The following RCC1L variants were observed in gnomAD, a reference collection of about 807,000 sequenced individuals.
RCC1L encodes RCC1-like G exchanging factor-like protein.
Under a neutral mutation model 58.6 loss-of-function variants are expected in RCC1L, and 46 were observed. That is an observed-to-expected ratio of 0.79 (90% CI 0.62 to 1.00). RCC1L has a LOEUF of 1.00. RCC1L is among the 50% of genes least tolerant of loss of function. The pLI, the probability that RCC1L is intolerant of heterozygous loss-of-function variation, is 0.00. For missense variants in RCC1L, 636 were observed against 623.6 expected (o/e 1.02, Z -0.21); for synonymous variants, 281 against 262.9 (o/e 1.07, Z -0.67).
Position 75,042,729 on chromosome 7 carries a change from G to A in RCC1L, c.*303C>T, listed in dbSNP as rs1584488516. ...CTTTCCTAAGACGGGCTTCTCAGGC[G>A]AGACGTGACACCAGACACCGTCGCA... is the stretch of plus-strand genomic sequence containing the variant. On this transcript the variant is annotated 3_prime_UTR_variant, in exon 11 of 11. Coordinates refer to ENST00000610322, the MANE Select transcript of RCC1L (RefSeq NM_030798.5). The A allele has an allele frequency of 8.3e-6, 11 of 1,317,890 alleles. No individual in the cohort carries two copies. Among genetic ancestry groups the A allele is most frequent in the Non-Finnish European group, 1.1e-5 (11 of 1,025,392 alleles). 81.6% of individuals were successfully genotyped at this position (1,317,890 alleles called of 1,614,324 possible).
intron 3 of RCC1L, 86 bp from the exon 4 acceptor site, chr7:75,064,734 CCCGT>C (rs1806402503): frequency 6.8e-7 from 1 of 1,469,948 alleles, no homozygotes; most frequent in Non-Finnish European, 9.5e-7. Context: ...CGCTGGTGGT[CCCGT>C]CCTGGTTACT....
chr7:75,056,889 G>A (rs1482889296), intron 8 of RCC1L, among the ~76,000 whole-genome samples: 1 of 152,130 alleles, frequency 6.6e-6, no homozygotes, highest in African/African-American at 2.4e-5. Flanking sequence ...ATAGCTCACT[G>A]CAGCTCGAAC....
intron 10 of RCC1L, among the ~76,000 whole-genome samples, chr7:75,049,898 CA>C (rs1264007907): frequency 6.6e-6 from 1 of 151,844 alleles, no homozygotes; most frequent in Admixed American, 6.6e-5. Context: ...ACAAACAAAA[CA>C]AAGAAAAGAA....
intron 10 of RCC1L, among the ~76,000 whole-genome samples, chr7:75,029,342 C>T (rs1429372852): frequency 6.6e-6 from 1 of 151,028 alleles, no homozygotes; most frequent in Non-Finnish European, 1.5e-5. Context: ...AAGAGCACCT[C>T]AGCCCTGCAA....
At chr7:75,053,960 T>C (rs1805996928) in intron 9 of RCC1L, among the ~76,000 whole-genome samples, 1 of 152,186 alleles carries the variant, frequency 6.6e-6, no homozygotes, top group African/African-American at 2.4e-5. Flanking sequence ...TGCGACGCAG[T>C]GGCACAAACA....
At chr7:75,047,538 T>C (rs1805762725) in intron 10 of RCC1L, among the ~76,000 whole-genome samples, 2 of 152,224 alleles carry the variant, frequency 1.3e-5, no homozygotes, top group Non-Finnish European at 2.9e-5. Flanking sequence ...GCTGGGATTA[T>C]AGGCGTTGAG....
intron 2 of RCC1L, among the ~76,000 whole-genome samples, chr7:75,068,569 C>G (rs1806595128): frequency 6.6e-6 from 1 of 151,742 alleles, no homozygotes; most frequent in South Asian, 2.1e-4. Flanking sequence ...GCCTGTAGTA[C>G]CAGCTACTCA....
chr7:75,041,990 G>C (rs1408804500), downstream of RCC1L, among the ~76,000 whole-genome samples: 2 of 152,190 alleles, frequency 1.3e-5, no homozygotes, highest in Non-Finnish European at 2.9e-5. Context: ...GGCCTAAGCA[G>C]GAGGATGGCT....
rs200209051 is a variant in RCC1L, at chr7:75,070,626, G to A, written c.454+14C>T. On this transcript the variant is annotated intron_variant, in intron 2 of 10. Coordinates refer to ENST00000610322, the MANE Select transcript of RCC1L (RefSeq NM_030798.5). Reference sequence around the variant, plus strand: ...CCAATCCCGGCAAAGAGGAGACAAGGTAGGGATGCTCACTTTTATCTTTCC... The same window carrying A: ...CCAATCCCGGCAAAGAGGAGACAAGATAGGGATGCTCACTTTTATCTTTCC... 2.1e-5 allele frequency: 34 copies of A among 1,613,500 alleles called. No individual in the cohort carries two copies. In the African/African-American group the frequency reaches 3.5e-4, roughly 16 times the overall value.
chr7:75,047,288 C>T (rs915346398), intron 10 of RCC1L, among the ~76,000 whole-genome samples: 9 of 151,974 alleles, frequency 5.9e-5, no homozygotes, highest in Non-Finnish European at 1.0e-4. Context: ...TGTTTAGAGA[C>T]AAGGTCTTGT....
At chr7:75,030,237 G>A (rs896433923) in intron 10 of RCC1L, among the ~76,000 whole-genome samples, 3,745 of 152,342 alleles carry the variant, frequency 0.025, 80 homozygotes, top group African/African-American at 0.046. Flanking sequence ...ACCTGTGAGC[G>A]TGGATGTGTT....
At position 75,064,133 on chromosome 7, in the gene RCC1L, C is replaced by G. The variant is rs983372638; in HGVS notation, c.650+449G>C. 5.3e-5 allele frequency among the ~76,000 whole-genome samples: 8 copies of G among 152,026 alleles called. 1 individual carries two copies. Among genetic ancestry groups the G allele is most frequent in the Non-Finnish European group, 8.8e-5 (6 of 67,998 alleles). On this transcript the variant is annotated intron_variant, in intron 4 of 10. Coordinates refer to ENST00000610322, the MANE Select transcript of RCC1L (RefSeq NM_030798.5). Reference sequence around the variant, plus strand: ...GATCATGAGGTCAAGAGATGGAAACCATTCTGGCCAATATGGTGAAACCCC... The same window carrying G: ...GATCATGAGGTCAAGAGATGGAAACGATTCTGGCCAATATGGTGAAACCCC...
At chr7:75,033,400 T>TA (rs1311056484) in intron 10 of RCC1L, among the ~76,000 whole-genome samples, 2 of 151,754 alleles carry the variant, frequency 1.3e-5, no homozygotes, top group Non-Finnish European at 2.9e-5. Context: ...TAGTGGTAAT[T>TA]AAGAAGTGGG....
chr7:75,033,156 T>C (rs1182609540), intron 10 of RCC1L, among the ~76,000 whole-genome samples: 2 of 144,452 alleles, frequency 1.4e-5, no homozygotes, highest in Non-Finnish European at 3.0e-5. Flanking sequence ...ACTCTCAAAA[T>C]CATCCCCTTA....
In RCC1L at chr7:75,066,777, T is replaced by C. The variant is rs782549630; in HGVS notation, c.470A>G (p.Tyr157Cys). ...GGAGACGGGTGAGGGCTCCAACACA[T>C]ACTCGTAGCCCCTCGCTGGAAAAGA... The part of the protein sequence containing the change: ...SRKDKTRGYE[Y>C]VLEPSPVSLP... Residue 157 changes from tyrosine (Y) to cysteine (C), a missense_variant, in exon 3 of 11, where the codon TAT becomes TGT. Transcript: ENST00000610322. 28 of 1,609,104 alleles carry C rather than the reference T, an allele frequency of 1.7e-5. No individual in the cohort carries two copies. Among genetic ancestry groups the C allele is most frequent in the African/African-American group, 2.7e-5 (2 of 74,684 alleles).
At chr7:75,049,842 A>T (rs1458198899) in intron 10 of RCC1L, among the ~76,000 whole-genome samples, 1 of 152,066 alleles carries the variant, frequency 6.6e-6, no homozygotes, top group Non-Finnish European at 1.5e-5. Flanking sequence ...TCCTGTCACC[A>T]CACTCCAGCT....
chr7:75,057,438 G>A, intron 8 of RCC1L, 91 bp downstream of exon 8: 1 of 1,359,848 alleles, frequency 7.4e-7, no homozygotes. Flanking sequence ...CTAAGGCTAA[G>A]GTCTACGGCC....
chr7:75,038,889 G>C (rs1216104483), downstream of RCC1L, among the ~76,000 whole-genome samples: 1 of 152,236 alleles, frequency 6.6e-6, no homozygotes, highest in Non-Finnish European at 1.5e-5. Flanking sequence ...CCAGTCTCGG[G>C]AGAGGAATGC....
chr7:75,054,638 C>A (rs974921569), intron 9 of RCC1L, among the ~76,000 whole-genome samples: 1 of 152,120 alleles, frequency 6.6e-6, no homozygotes, highest in African/African-American at 2.4e-5. Flanking sequence ...CTGAATTAGC[C>A]GGGCGTGGTG....
Sources: gnomAD v4.1 joint callset for allele counts (sites outside exome capture counted in the v4.1 genomes callset) on GRCh38, gnomAD v4.1.1 for gene constraint, MANE v1.5 for transcripts, NCBI Gene and HGNC (gene_info 2026-07-23, HGNC 2026-07-21) for gene names.